The following DGKB variants were observed in gnomAD, a reference collection of about 807,000 sequenced individuals.
DGKB encodes the protein diacylglycerol kinase beta.
DGKB carries 67 observed loss-of-function variants against 114.3 expected under a neutral mutation model. That is an observed-to-expected ratio of 0.59 (90% CI 0.48 to 0.72). DGKB has a LOEUF of 0.72. DGKB is among the 30% of genes least tolerant of loss of function. The pLI is 0.00. For synonymous variants in DGKB, 398 were observed against 323.1 expected (o/e 1.23, Z -2.49); for missense variants, 907 against 975.2 (o/e 0.93, Z 0.93).
chr7:14,542,788 C>T (rs1187000182), intron 20 of DGKB, among the ~76,000 whole-genome samples: 1 of 152,182 alleles, frequency 6.6e-6, no homozygotes. Flanking sequence ...CAATCGCATC[C>T]AGAGGACTTT....
intron 1 of DGKB, among the ~76,000 whole-genome samples, chr7:14,954,291 A>G (rs992713204): frequency 2.6e-5 from 4 of 151,992 alleles, no homozygotes; most frequent in African/African-American, 9.7e-5. Flanking sequence ...CTCTTGGTAA[A>G]GGGGATGTAG....
chr7:14,901,914 G>T (rs577911640), intron 1 of DGKB, among the ~76,000 whole-genome samples: 1 of 152,184 alleles, frequency 6.6e-6, no homozygotes, highest in Non-Finnish European at 1.5e-5. Context: ...TAAGTATAGA[G>T]CCATCTATGT....
upstream of DGKB, among the ~76,000 whole-genome samples, chr7:14,904,894 A>T (rs1783607154): frequency 6.6e-6 from 1 of 152,188 alleles, no homozygotes; most frequent in South Asian, 2.1e-4. Flanking sequence ...ACATAGAAAT[A>T]CATTTTGATA....
chr7:14,464,921 CAG>C (rs1833605794), intron 21 of DGKB, among the ~76,000 whole-genome samples: 1 of 152,166 alleles, frequency 6.6e-6, no homozygotes, highest in African/African-American at 2.4e-5. Context: ...ATGCCCCTGC[CAG>C]AGATCACATT....
intron 21 of DGKB, among the ~76,000 whole-genome samples, chr7:14,476,401 A>G (rs1584248089): frequency 6.6e-6 from 1 of 152,256 alleles, no homozygotes; most frequent in East Asian, 1.9e-4. Context: ...TCTAGGTACA[A>G]AGGCAACTTA....
intron 1 of DGKB, among the ~76,000 whole-genome samples, chr7:14,924,762 T>C (rs904768971): frequency 1.3e-5 from 2 of 152,196 alleles, no homozygotes; most frequent in African/African-American, 4.8e-5. Flanking sequence ...TTATGATTAT[T>C]GTAGAGTCCC....
chr7:14,339,483 G>C (rs900400676), intron 22 of DGKB, among the ~76,000 whole-genome samples: 1 of 151,556 alleles, frequency 6.6e-6, no homozygotes, highest in African/African-American at 2.4e-5. Context: ...TTATTTTCCT[G>C]GTGACAAAAC....
At chr7:14,202,345 A>T (rs1339047541) in intron 23 of DGKB, among the ~76,000 whole-genome samples, 4 of 151,930 alleles carry the variant, frequency 2.6e-5, no homozygotes, top group Non-Finnish European at 1.5e-5. Flanking sequence ...TGATATCATA[A>T]TTCCTCTCAA....
intron 17 of DGKB, among the ~76,000 whole-genome samples, chr7:14,599,129 G>A (rs1803097058): frequency 6.6e-6 from 1 of 152,116 alleles, no homozygotes; most frequent in African/African-American, 2.4e-5. Flanking sequence ...GGATAACACA[G>A]CAAAAGCTGG....
chr7:14,291,751 C>T (rs773365623), intron 23 of DGKB, among the ~76,000 whole-genome samples: 2 of 152,096 alleles, frequency 1.3e-5, no homozygotes, highest in Non-Finnish European at 2.9e-5. Context: ...ATGCATCCAA[C>T]AGAATTATTC....
intron 23 of DGKB, among the ~76,000 whole-genome samples, chr7:14,183,849 G>A (rs910603453): frequency 5.3e-5 from 8 of 152,174 alleles, no homozygotes; most frequent in African/African-American, 1.7e-4. Context: ...AGCTCGCATT[G>A]TAAATTTTAG....
At chr7:14,830,591 A>G (rs530065072) in intron 2 of DGKB, among the ~76,000 whole-genome samples, 1 of 152,144 alleles carries the variant, frequency 6.6e-6, no homozygotes, top group East Asian at 1.9e-4. Flanking sequence ...TCAAGAGACA[A>G]TGGATTGCCT....
intron 5 of DGKB, among the ~76,000 whole-genome samples, chr7:14,723,765 A>T (rs902016434): frequency 6.6e-6 from 1 of 152,220 alleles, no homozygotes; most frequent in African/African-American, 2.4e-5. Flanking sequence ...ACACACATAC[A>T]CATTCTTTTC....
chr7:14,493,681 C>G (rs1279473208), intron 20 of DGKB, among the ~76,000 whole-genome samples: 1 of 151,878 alleles, frequency 6.6e-6, no homozygotes, highest in African/African-American at 2.4e-5. Context: ...CAGGGACGGT[C>G]CAAGATTTCA....
intron 7 of DGKB, among the ~76,000 whole-genome samples, chr7:14,698,985 C>CA (rs1824610163): frequency 6.6e-6 from 1 of 151,964 alleles, no homozygotes; most frequent in African/African-American, 2.4e-5. Context: ...GTGCAATAGT[C>CA]AAAGAGTATT....
chr7:14,605,097 A>T (rs1379506190), intron 17 of DGKB, among the ~76,000 whole-genome samples: 1 of 152,146 alleles, frequency 6.6e-6, no homozygotes, highest in Admixed American at 6.6e-5. Flanking sequence ...ATATGCAGAT[A>T]AATTGATAGA....
intron 2 of DGKB, among the ~76,000 whole-genome samples, chr7:14,784,632 C>A (rs756241532): frequency 1.3e-5 from 2 of 152,176 alleles, no homozygotes; most frequent in Non-Finnish European, 2.9e-5. Context: ...CCACCTCAGC[C>A]TCCCAAAGTG....
chr7:14,387,200 G>T (rs1820510696), intron 21 of DGKB, among the ~76,000 whole-genome samples: 1 of 151,850 alleles, frequency 6.6e-6, no homozygotes, highest in Non-Finnish European at 1.5e-5. Context: ...AAGTTGCGTG[G>T]ATCACGAGGT....
At chr7:14,814,798 G>A (rs1447761960) in intron 2 of DGKB, among the ~76,000 whole-genome samples, 1 of 152,062 alleles carries the variant, frequency 6.6e-6, no homozygotes, top group Non-Finnish European at 1.5e-5. Flanking sequence ...ATTCTAAAAT[G>A]TTATGAACAT....
Sources: gnomAD v4.1 joint callset for allele counts (sites outside exome capture counted in the v4.1 genomes callset) on GRCh38, gnomAD v4.1.1 for gene constraint, MANE v1.5 for transcripts, NCBI Gene and HGNC (gene_info 2026-07-23, HGNC 2026-07-21) for gene names.